KLHL14: variants seen among roughly 807,000 people sequenced by gnomAD.
The protein encoded by KLHL14 is kelch like family member 14.
Under a neutral mutation model 64.3 loss-of-function variants are expected in KLHL14, and 22 were observed. The ratio of observed to expected loss-of-function variants is 0.34; its 90% CI spans 0.24 to 0.49. The LOEUF (loss-of-function observed/expected upper bound fraction) is 0.49. Ranked by LOEUF, KLHL14 falls within the 20% of genes least tolerant of loss-of-function variation. The pLI, the probability that KLHL14 is intolerant of heterozygous loss-of-function variation, is 0.99. For synonymous variants in KLHL14, 322 were observed against 333.4 expected, an observed-to-expected ratio of 0.97 and a Z score of 0.37; for missense variants, 661 against 789.0, an observed-to-expected ratio of 0.84 and a Z score of 1.94.
intron 3 of KLHL14, among the ~76,000 whole-genome samples, chr18:32,697,578 C>CT (rs1449490657): frequency 7.2e-5 from 11 of 152,160 alleles, no homozygotes; most frequent in East Asian, 1.9e-4. Flanking sequence ...ACGGTATTAT[C>CT]TTTTTTTAAA....
intron 2 of KLHL14, 76 bp downstream of exon 2, chr18:32,769,569 C>G (rs1373447846): frequency 6.3e-6 from 3 of 479,904 alleles, no homozygotes; most frequent in Non-Finnish European, 1.0e-5. Context: ...CTTCCCTCCT[C>G]CCTGCCCCCT....
intron 5 of KLHL14, 116 bp downstream of exon 5, chr18:32,687,039 C>T: frequency 1.2e-6 from 1 of 801,334 alleles, no homozygotes; most frequent in Admixed American, 2.1e-5. Context: ...TTCTATTTTG[C>T]CTCATATGTC....
At position 32,677,837 on chromosome 18, in the gene KLHL14, T is replaced by C. The variant is rs986536981; in HGVS notation, c.1589-507A>G. Among the ~76,000 whole-genome samples the C allele has an allele frequency of 8.5e-5, 13 of 152,264 alleles. No homozygotes were observed. The East Asian group carries it at 2.5e-3, about 29-fold the overall frequency. ...AGTAAGTCACAAGTCAGTAAGTAGA[T>C]AGGTTGAGATTTGAATCCAGGAGAG... On this transcript the variant is annotated intron_variant, in intron 7 of 8. Coordinates refer to ENST00000359358, the MANE Select transcript of KLHL14 (RefSeq NM_020805.3).
intron 3 of KLHL14, among the ~76,000 whole-genome samples, chr18:32,717,866 C>T (rs1467172937): frequency 3.3e-5 from 5 of 152,202 alleles, no homozygotes; most frequent in African/African-American, 7.2e-5. Context: ...ATACTGAAGA[C>T]TAACCACATT....
At chr18:32,764,346 A>G (rs995069527) in intron 2 of KLHL14, among the ~76,000 whole-genome samples, 1 of 152,196 alleles carries the variant, frequency 6.6e-6, no homozygotes, top group African/African-American at 2.4e-5. Context: ...GAGGATCACT[A>G]TTCAAATCCT....
At chr18:32,767,818 T>C (rs1464894704) in intron 2 of KLHL14, among the ~76,000 whole-genome samples, 2 of 152,258 alleles carry the variant, frequency 1.3e-5, no homozygotes, top group Non-Finnish European at 2.9e-5. Context: ...AAATTACTCT[T>C]AGAATAAGTT....
chr18:32,687,854 T>C (rs1354513524), intron 4 of KLHL14, among the ~76,000 whole-genome samples: 1 of 152,124 alleles, frequency 6.6e-6, no homozygotes, highest in African/African-American at 2.4e-5. Flanking sequence ...GTTCAAACAA[T>C]AGCAGCCACT....
chr18:32,748,867 C>T (rs2050238213), intron 2 of KLHL14, among the ~76,000 whole-genome samples: 1 of 152,118 alleles, frequency 6.6e-6, no homozygotes, highest in African/African-American at 2.4e-5. Flanking sequence ...CTTTAATTTT[C>T]AGAATTAAAA....
rs766608452 is a variant in KLHL14 at position 32,769,847 on chromosome 18, C to T, written c.745G>A (p.Asp249Asn). The stretch of plus-strand genomic sequence containing the variant: ...GCATACTGCATGCGGGTCTCGCGGT[C>T]GTGCTCCAGCCACAGCACGGACATC... Reference protein sequence around the residue: ...FQMSVLWLEHDRETRMQYAPD... With the variant: ...FQMSVLWLEHNRETRMQYAPD... Residue 249 changes from aspartate (D) to asparagine (N), a missense_variant, in exon 2 of 9, where the codon GAC (aspartate) becomes AAC (asparagine). Asp to Asn is a conservative substitution (Grantham distance 23). Around this residue, in one of 2 missense-constraint regions of KLHL14, gnomAD observed 331 missense variants for 339.0 expected, o/e 0.98. Transcript: ENST00000359358. The T allele has an allele frequency of 1.4e-5, 23 of 1,613,800 alleles. No homozygotes were observed. Among genetic ancestry groups the T allele is most frequent in the Non-Finnish European group, 1.9e-5 (23 of 1,180,000 alleles).
At chr18:32,767,758 T>C (rs904660167) in intron 2 of KLHL14, among the ~76,000 whole-genome samples, 1 of 152,234 alleles carries the variant, frequency 6.6e-6, no homozygotes, top group African/African-American at 2.4e-5. Flanking sequence ...TAAAAGTGCA[T>C]TGAGGGCTTC....
intron 2 of KLHL14, among the ~76,000 whole-genome samples, chr18:32,759,999 C>T (rs993001430): frequency 1.3e-5 from 2 of 152,194 alleles, no homozygotes; most frequent in Non-Finnish European, 2.9e-5. Context: ...CTCTCTGACT[C>T]ACAGGTTTAC....
intron 2 of KLHL14, among the ~76,000 whole-genome samples, chr18:32,768,390 G>GACACACACACAC (rs10567081): frequency 3.4e-4 from 48 of 141,674 alleles, no homozygotes; most frequent in East Asian, 8.7e-4. Flanking sequence ...GAAACATAAT[G>GACACACACACAC]ACACACACAC....
intron 1 of KLHL14, among the ~76,000 whole-genome samples, chr18:32,771,617 G>C (rs1268017337): frequency 6.6e-6 from 1 of 152,154 alleles, no homozygotes; most frequent in Non-Finnish European, 1.5e-5. Context: ...AGGACTCAGG[G>C]GGAGGAAGTG....
chr18:32,703,953 A>G (rs963115556), intron 3 of KLHL14, among the ~76,000 whole-genome samples: 1 of 152,134 alleles, frequency 6.6e-6, no homozygotes, highest in Non-Finnish European at 1.5e-5. Flanking sequence ...ATGTCAATGA[A>G]ACACTCTAGA....
At chr18:32,714,404 T>C (rs1420322514) in intron 3 of KLHL14, among the ~76,000 whole-genome samples, 2 of 152,156 alleles carry the variant, frequency 1.3e-5, no homozygotes, top group African/African-American at 2.4e-5. Context: ...CACTTCCTGA[T>C]AGAACAAAGT....
chr18:32,731,057 A>G lies in KLHL14; in HGVS notation c.1069+10871T>C, dbSNP rs78667108. ...CACAGCTCCTTGCTCCATCGGAAAC[A>G]CTTAATGAATAGAAAGGTTTGACTG... is the stretch of plus-strand genomic sequence containing the variant. On this transcript the variant is annotated intron_variant, in intron 3 of 8. Coordinates refer to ENST00000359358, the MANE Select transcript of KLHL14 (RefSeq NM_020805.3). Among the ~76,000 whole-genome samples, 537 of 152,286 alleles carry G rather than the reference A, an allele frequency of 3.5e-3. 5 individuals carry two copies. Among genetic ancestry groups the G allele is most frequent in the African/African-American group, 0.013 (525 of 41,564 alleles).
intron 2 of KLHL14, among the ~76,000 whole-genome samples, chr18:32,760,208 G>T (rs2050306521): frequency 1.3e-5 from 2 of 151,872 alleles, no homozygotes; most frequent in South Asian, 4.2e-4. Context: ...GTGAATTGTG[G>T]ACCATCCCAC....
At chr18:32,711,423 T>C (rs982686100) in intron 3 of KLHL14, among the ~76,000 whole-genome samples, 8 of 152,184 alleles carry the variant, frequency 5.3e-5, no homozygotes, top group Non-Finnish European at 8.8e-5. Context: ...TACAACCTAT[T>C]CAATACAAAT....
intron 3 of KLHL14, among the ~76,000 whole-genome samples, chr18:32,740,338 C>T (rs1217686567): frequency 6.6e-6 from 1 of 152,170 alleles, no homozygotes; most frequent in Admixed American, 6.6e-5. Flanking sequence ...GTATTGTTCA[C>T]AATGCTTTAA....
Sources: gnomAD v4.1 joint callset for allele counts (sites outside exome capture counted in the v4.1 genomes callset) on GRCh38, gnomAD v4.1.1 for gene constraint, gnomAD v4.1.1 regional missense constraint, MANE v1.5 for transcripts, NCBI Gene and HGNC (gene_info 2026-07-23, HGNC 2026-07-21) for gene names.